TNC: variants seen among roughly 807,000 people sequenced by gnomAD.
The protein encoded by TNC is tenascin C, also known as tenascin.
A neutral mutation model predicts 202.4 loss-of-function variants in TNC; 109 were observed. The observed-to-expected ratio is 0.54, with a 90% confidence interval of 0.46 to 0.63. The LOEUF is 0.63. Ranked by LOEUF, TNC falls within the 30% of genes least tolerant of loss-of-function variation. TNC has a pLI of 0.00. For missense variants in TNC, 2,756 were observed against 2,833.3 expected, an observed-to-expected ratio of 0.97 and a Z score of 0.62; for synonymous variants, 1,007 against 1,089.7, an observed-to-expected ratio of 0.92 and a Z score of 1.50.
Position 115,029,430 on chromosome 9 carries a change from G to T in TNC, c.6099C>A (p.Arg2033=), listed in dbSNP as rs58547879. The T allele has an allele frequency of 6.2e-7, 1 of 1,614,064 alleles. No homozygotes were observed. Among genetic ancestry groups the T allele is most frequent in the Non-Finnish European group, 8.5e-7 (1 of 1,180,012 alleles). ...WIVFLRRKNG[R]ENFYQNWKAY... ...CCTTCCAGTTTTGGTAGAAGTTCTC[G>T]CGTCCGTTTTTGCGTCTCAGGAACA... The change falls in exon 25 of 28, where the codon CGC becomes CGA. Residue 2033 remains arginine (R), a synonymous_variant. Coordinates refer to ENST00000350763, the MANE Select transcript of TNC (RefSeq NM_002160.4).
At chr9:115,041,389 A>T (rs1445827342) in intron 18 of TNC, among the ~76,000 whole-genome samples, 3 of 151,176 alleles carry the variant, frequency 2.0e-5, no homozygotes, top group African/African-American at 7.3e-5. Flanking sequence ...TGCAAATTTT[A>T]TCTTATTATT....
At chr9:115,084,023 G>A (rs537814280) in intron 4 of TNC, among the ~76,000 whole-genome samples, 186 bp downstream of exon 4, 3 of 152,226 alleles carry the variant, frequency 2.0e-5, no homozygotes, top group African/African-American at 7.2e-5. Flanking sequence ...AGGAGAGCAA[G>A]GAGAAAGATT....
At position 115,030,238 on chromosome 9, in the gene TNC, C is replaced by A. The variant is rs375110436; in HGVS notation, c.6072+16G>T. 2 of 1,601,270 alleles carry A rather than the reference C, an allele frequency of 1.2e-6. No individual in the cohort carries two copies. The highest frequency in any genetic ancestry group is 2.2e-5 in the East Asian group (1 of 44,576). On this transcript the variant is annotated intron_variant, in intron 24 of 27. Transcript: ENST00000350763. ...CCCCTAGGCCTGAGGGCTCTGCAGTCCCTGGTGGTACTCACAATCCATCCA... is the reference window on the plus strand; with the variant it reads ...CCCCTAGGCCTGAGGGCTCTGCAGTACCTGGTGGTACTCACAATCCATCCA...
intron 1 of TNC, among the ~76,000 whole-genome samples, chr9:115,106,859 ATAAG>A (rs752290002): frequency 3.4e-4 from 52 of 152,218 alleles, no homozygotes; most frequent in Admixed American, 1.3e-4. Flanking sequence ...ACTTATTTGT[ATAAG>A]TAAGGAAAGG....
At chr9:115,022,267 G>A (rs529304960) in intron 27 of TNC, among the ~76,000 whole-genome samples, 51 of 152,366 alleles carry the variant, frequency 3.3e-4, no homozygotes, top group South Asian at 1.0e-3. Flanking sequence ...CATTTCATGG[G>A]CAAATCCGCT....
At chr9:115,087,714 T>G (rs916971782) in intron 2 of TNC, among the ~76,000 whole-genome samples, 2 of 148,780 alleles carry the variant, frequency 1.3e-5, no homozygotes, top group Non-Finnish European at 3.0e-5. Flanking sequence ...TTTTTTTTTT[T>G]TTTTTGAGAC....
intron 24 of TNC, among the ~76,000 whole-genome samples, chr9:115,029,880 T>A (rs1829817769): frequency 1.3e-5 from 2 of 152,078 alleles, no homozygotes; most frequent in Non-Finnish European, 2.9e-5. Context: ...GGTAATGGGG[T>A]CGGAATAATT....
chr9:115,084,810 C>CT (rs1390602490), intron 3 of TNC, among the ~76,000 whole-genome samples: 1 of 152,172 alleles, frequency 6.6e-6, no homozygotes, highest in Non-Finnish European at 1.5e-5. Context: ...CTGCTCTGAA[C>CT]TTTGAGTTAC....
intron 15 of TNC, among the ~76,000 whole-genome samples, chr9:115,049,917 T>G (rs1051063152): frequency 3.3e-5 from 5 of 152,230 alleles, no homozygotes; most frequent in African/African-American, 7.2e-5. Flanking sequence ...AATAGAGATT[T>G]AAATTTTGCT....
At chr9:115,046,720 C>T (rs1481194384) in intron 16 of TNC, 38 bp from the exon 17 acceptor site, 2 of 1,608,080 alleles carry the variant, frequency 1.2e-6, no homozygotes, top group Non-Finnish European at 1.7e-6. Context: ...GGAGGAAAGA[C>T]AACATCATTT....
At chr9:115,053,887 G>A (rs1350318092) in intron 15 of TNC, among the ~76,000 whole-genome samples, 2 of 152,106 alleles carry the variant, frequency 1.3e-5, no homozygotes, top group East Asian at 3.8e-4. Flanking sequence ...CTCAATTATT[G>A]GATAATTTGG....
Position 115,041,042 on chromosome 9 carries a change from G to T in TNC, c.5291C>A (p.Thr1764Asn). 6.2e-7 allele frequency: 1 copy of T among 1,614,108 alleles called. No homozygotes were observed. The highest frequency in any genetic ancestry group is 2.2e-5 in the East Asian group (1 of 44,878). Residue 1764 changes from threonine to asparagine, a missense_variant, in exon 19 of 28, where the codon ACC becomes AAC. By Grantham distance (65) the Thr-to-Asn change is moderately conservative (BLOSUM62 0). Around this residue, in one of 2 missense-constraint regions of TNC, gnomAD observed 2,559 missense variants for 2,546.0 expected, o/e 1.01. Coordinates refer to ENST00000350763, the MANE Select transcript of TNC (RefSeq NM_002160.4). The part of the protein sequence containing the change: ...MVTVDGTKTQ[T>N]RLVKLIPGVE... ...GCCAGGTATGAGTTTCACCAGCCTG[G>T]TCTGAGTCTTGGTTCCGTCCACAGT... is the stretch of plus-strand genomic sequence containing the variant.
intron 25 of TNC, among the ~76,000 whole-genome samples, chr9:115,028,804 C>T (rs755535639): frequency 6.6e-6 from 1 of 151,272 alleles, no homozygotes; most frequent in Non-Finnish European, 1.5e-5. Context: ...TGACCATTCT[C>T]TTTTTTGTCA....
In TNC at chr9:115,087,057, C is replaced by A. The variant is rs1225857197; in HGVS notation, c.674G>T (p.Cys225Phe). 1 of 1,613,430 alleles carries A rather than the reference C, an allele frequency of 6.2e-7. No homozygotes were observed. The highest frequency in any genetic ancestry group is 8.5e-7 in the Non-Finnish European group (1 of 1,179,540). ...DCSQLACPSD[C>F]NDQGKCVNGV... ...ATTTACGCACTTGCCCTGGTCATTGCAGTCGCTGGGGCAAGCCAGCTGGCT... is the reference window on the plus strand; with the variant it reads ...ATTTACGCACTTGCCCTGGTCATTGAAGTCGCTGGGGCAAGCCAGCTGGCT... Residue 225 changes from cysteine to phenylalanine, a missense_variant, in exon 3 of 28, where the codon TGC becomes TTC. By Grantham distance (205) the Cys-to-Phe change is radical. This residue lies in a region of TNC where 2,559 missense variants were observed against 2,546.0 expected (regional missense o/e 1.01). Coordinates refer to ENST00000350763, the MANE Select transcript of TNC (RefSeq NM_002160.4).
At chr9:115,029,870 G>T (rs534754252) in intron 24 of TNC, among the ~76,000 whole-genome samples, 2 of 152,162 alleles carry the variant, frequency 1.3e-5, no homozygotes, top group Non-Finnish European at 2.9e-5. Flanking sequence ...CAGCTCCTAT[G>T]GTAATGGGGT....
rs1829785915 is a variant in TNC at position 115,029,438 on chromosome 9, T to C, written c.6091A>G (p.Asn2031Asp). ...GGWIVFLRRKNGRENFYQNWK... is the reference protein window; with the variant it reads ...GGWIVFLRRKDGRENFYQNWK... ...TTTTGGTAGAAGTTCTCGCGTCCGTTTTTGCGTCTCAGGAACACCTATAAA... is the reference window on the plus strand; with the variant it reads ...TTTTGGTAGAAGTTCTCGCGTCCGTCTTTGCGTCTCAGGAACACCTATAAA... Residue 2031 changes from asparagine (N) to aspartate (D), a missense_variant, in exon 25 of 28, where the codon AAC (asparagine) becomes GAC (aspartate). This residue lies in a region of TNC where 197 missense variants were observed against 287.3 expected (regional missense o/e 0.69). Transcript: ENST00000350763. 1 of 1,613,988 alleles carries C rather than the reference T, an allele frequency of 6.2e-7. No individual in the cohort carries two copies. Among genetic ancestry groups the C allele is most frequent in the South Asian group, 1.1e-5 (1 of 91,084 alleles).
chr9:115,083,003 A>T (rs1834421704), intron 4 of TNC, among the ~76,000 whole-genome samples, 196 bp from the exon 5 acceptor site: 1 of 152,214 alleles, frequency 6.6e-6, no homozygotes, highest in African/African-American at 2.4e-5. Flanking sequence ...GAAAAATGGT[A>T]TGATTAATTT....
intron 20 of TNC, 74 bp from the exon 21 acceptor site, chr9:115,036,315 T>A (rs1347804691): frequency 6.5e-7 from 1 of 1,527,300 alleles, no homozygotes; most frequent in Non-Finnish European, 9.0e-7. Flanking sequence ...GCAAACCACA[T>A]ACACACCTCC....
chr9:115,021,344 C>T, intron 27 of TNC, 77 bp from the exon 28 acceptor site: 4 of 948,518 alleles, frequency 4.2e-6, no homozygotes, highest in Admixed American at 2.1e-5. Flanking sequence ...GAGGTGTTCA[C>T]TGATCATTGC....
Sources: gnomAD v4.1 joint callset for allele counts (sites outside exome capture counted in the v4.1 genomes callset) on GRCh38, gnomAD v4.1.1 for gene constraint, gnomAD v4.1.1 regional missense constraint, MANE v1.5 for transcripts, NCBI Gene and HGNC (gene_info 2026-07-23, HGNC 2026-07-21) for gene names.